MGAT4A: variants seen among roughly 807,000 people sequenced by gnomAD.
MGAT4A encodes alpha-1,3-mannosyl-glycoprotein 4-beta-N-acetylglucosaminyltransferase A.
In MGAT4A, 33 loss-of-function variants were observed where a neutral mutation model predicts 74.1. That is an observed-to-expected ratio of 0.45 (90% confidence interval 0.34 to 0.60). The LOEUF (loss-of-function observed/expected upper bound fraction) is 0.60. MGAT4A is among the 20% of genes least tolerant of loss of function. MGAT4A has a pLI of 0.02. For missense variants in MGAT4A, 479 were observed against 628.3 expected (o/e 0.76, Z 2.54); for synonymous variants, 198 against 210.4 (o/e 0.94, Z 0.51).
chr2:98,713,185 C>T, intron 2 of MGAT4A, among the ~76,000 whole-genome samples: 1 of 54,226 alleles, frequency 1.8e-5, no homozygotes, highest in Admixed American at 2.9e-4. Flanking sequence ...GATCATGTCT[C>T]AAAAAAAAAA....
At chr2:98,666,430 T>C (rs1163549021) in intron 4 of MGAT4A, among the ~76,000 whole-genome samples, 1 of 152,180 alleles carries the variant, frequency 6.6e-6, no homozygotes, top group Non-Finnish European at 1.5e-5. Context: ...TGGTGGCTGA[T>C]GCCTTTAATC....
At chr2:98,641,896 G>A (rs560566235) in intron 10 of MGAT4A, among the ~76,000 whole-genome samples, 5 of 151,378 alleles carry the variant, frequency 3.3e-5, no homozygotes, top group Non-Finnish European at 5.9e-5. Context: ...AGGAGGCTGA[G>A]AGGCAGGAGA....
At chr2:98,680,591 C>T (rs1431500429) in intron 2 of MGAT4A, among the ~76,000 whole-genome samples, 2 of 152,044 alleles carry the variant, frequency 1.3e-5, no homozygotes, top group South Asian at 2.1e-4. Context: ...ACCGTATTTG[C>T]GTTAATTTGC....
intron 8 of MGAT4A, among the ~76,000 whole-genome samples, chr2:98,653,839 C>G (rs1701617905): frequency 6.6e-6 from 1 of 152,170 alleles, no homozygotes; most frequent in African/African-American, 2.4e-5. Context: ...GCCTGCATTT[C>G]TCTGACACCA....
intron 4 of MGAT4A, among the ~76,000 whole-genome samples, chr2:98,667,701 TG>T (rs1258382428): frequency 2.0e-5 from 3 of 149,096 alleles, no homozygotes; most frequent in African/African-American, 7.4e-5. Flanking sequence ...CAGTTTTTGT[TG>T]TTGTTGTTGT....
intron 2 of MGAT4A, among the ~76,000 whole-genome samples, chr2:98,712,013 C>T (rs1251960032): frequency 6.6e-6 from 1 of 152,154 alleles, no homozygotes; most frequent in African/African-American, 2.4e-5. Context: ...TCAGATCTCT[C>T]GTCACCTTTA....
intron 2 of MGAT4A, among the ~76,000 whole-genome samples, chr2:98,720,831 G>A (rs748945977): frequency 7.2e-5 from 11 of 152,172 alleles, no homozygotes; most frequent in African/African-American, 2.7e-4. Flanking sequence ...ACCACCACAT[G>A]TGTAATGGGA....
chr2:98,630,422 T>C (rs55934348), intron 14 of MGAT4A, among the ~76,000 whole-genome samples: 23,276 of 151,864 alleles, frequency 0.15, 1,893 homozygotes, highest in Middle Eastern at 0.22. Context: ...ATAGTAAAAA[T>C]GGAAATGGTA....
rs182193794 is a variant in MGAT4A, at chr2:98,635,248, C to T, written c.1442G>A (p.Arg481Gln). Residue 481 changes from arginine (R) to glutamine (Q), a missense_variant, in exon 14 of 16, where the codon CGA (arginine) becomes CAA (glutamine). Physicochemically the swap from Arg to Gln is conservative, Grantham distance 43 (BLOSUM62 1). Around this residue, in one of 3 missense-constraint regions of MGAT4A, gnomAD observed 236 missense variants for 308.2 expected, o/e 0.77. Coordinates refer to ENST00000393487, the MANE Select transcript of MGAT4A (RefSeq NM_012214.3). ...TATTCTGAAATAGCCATCTTCTAAT[C>T]GTTTGTCTTTGGTTTCTTTGCTTAT... is the stretch of plus-strand genomic sequence containing the variant. ...LEISKETKDK[R>Q]LEDGYFRIGK... 2.3e-5 allele frequency: 37 copies of T among 1,609,450 alleles called. No homozygotes were observed. The African/African-American group carries it at 3.9e-4, about 17-fold the overall frequency.
At chr2:98,631,559 G>A (rs1228183295) in intron 14 of MGAT4A, among the ~76,000 whole-genome samples, 2 of 152,214 alleles carry the variant, frequency 1.3e-5, no homozygotes, top group Admixed American at 6.5e-5. Flanking sequence ...GGAAGCACAC[G>A]GGCGGGCGGA....
intron 2 of MGAT4A, among the ~76,000 whole-genome samples, chr2:98,715,896 T>C (rs1377266651): frequency 5.9e-5 from 9 of 152,210 alleles, no homozygotes; most frequent in Admixed American, 1.3e-4. Context: ...GCTTATTAAT[T>C]ACAATGGCAA....
chr2:98,683,098 C>CA lies in MGAT4A; in HGVS notation c.95-4628dup, dbSNP rs546453514. On this transcript the variant is annotated intron_variant, in intron 2 of 15. Transcript: ENST00000393487. ...GCGAGACTCCGTCTAAAAAAAAAAACAAAAAAAATAAAAAAAATAAATGGC... is the reference window on the plus strand; with the variant it reads ...GCGAGACTCCGTCTAAAAAAAAAAACAAAAAAAAATAAAAAAAATAAATGGC... Among the ~76,000 whole-genome samples the CA allele has an allele frequency of 2.4e-3, 356 of 149,254 alleles. 1 individual carries two copies. The highest frequency in any genetic ancestry group is 7.5e-3 in the African/African-American group (307 of 40,738).
intron 4 of MGAT4A, among the ~76,000 whole-genome samples, chr2:98,667,045 A>G (rs902660417): frequency 2.0e-5 from 3 of 152,142 alleles, no homozygotes; most frequent in Admixed American, 6.5e-5. Context: ...ATAGTGAATA[A>G]GTCTTACAAG....
rs1358651404 is a variant in MGAT4A at position 98,623,093 on chromosome 2, T to G, written c.*2473A>C. The G allele has an allele frequency of 8.1e-6, 8 of 985,296 alleles. No homozygotes were observed. The highest frequency in any genetic ancestry group is 7.2e-6 in the Non-Finnish European group (6 of 829,984). The allele number at this position is 985,296 out of a possible 1,614,324, so 61.0% of individuals were successfully genotyped here. Reference sequence around the variant, plus strand: ...ATTGGTCTCACATCCAGATGCTGACTGGCCACCTGCCACGTGCCTGGCACA... The same window carrying G: ...ATTGGTCTCACATCCAGATGCTGACGGGCCACCTGCCACGTGCCTGGCACA... On this transcript the variant is annotated 3_prime_UTR_variant, in exon 16 of 16. Transcript: ENST00000393487.
intron 4 of MGAT4A, among the ~76,000 whole-genome samples, chr2:98,665,712 A>G (rs934700694): frequency 7.9e-5 from 12 of 152,250 alleles, no homozygotes; most frequent in Non-Finnish European, 1.5e-4. Context: ...GCTGCTATGT[A>G]TAGGTTGGTA....
At chr2:98,706,064 A>G (rs1702427342) in intron 2 of MGAT4A, among the ~76,000 whole-genome samples, 1 of 152,158 alleles carries the variant, frequency 6.6e-6, no homozygotes, top group Admixed American at 6.5e-5. Flanking sequence ...CGCTGAACCG[A>G]TTGATAAAAA....
rs772846914 is a variant in MGAT4A at position 98,717,666 on chromosome 2, CTA to C, written c.94+8571_94+8572del. ...CTATTTTTGTACATTTATTGTAACT[CTA>C]AAAGTATTTCATAATAAAGTTTTTA... On this transcript the variant is annotated intron_variant, in intron 2 of 15. Coordinates refer to ENST00000393487, the MANE Select transcript of MGAT4A (RefSeq NM_012214.3). 3.3e-5 allele frequency among the ~76,000 whole-genome samples: 5 copies of C among 152,116 alleles called. No homozygotes were observed. In the South Asian group the frequency reaches 6.2e-4, roughly 19 times the overall value.
intron 8 of MGAT4A, among the ~76,000 whole-genome samples, chr2:98,652,327 A>ATTT (rs70940120): frequency 4.9e-5 from 6 of 123,394 alleles, no homozygotes; most frequent in Non-Finnish European, 8.2e-5. Context: ...TATCTCAACA[A>ATTT]TTTTTTTTTT....
chr2:98,643,427 G>A (rs529752761), intron 10 of MGAT4A, among the ~76,000 whole-genome samples: 13 of 152,280 alleles, frequency 8.5e-5, no homozygotes, highest in African/African-American at 2.9e-4. Flanking sequence ...TATCCCAAAG[G>A]TAATCATATT....
Sources: allele counts gnomAD v4.1 joint callset (sites outside exome capture counted in the v4.1 genomes callset), GRCh38; gene constraint gnomAD v4.1.1; regional missense constraint gnomAD v4.1.1; transcripts MANE v1.5; gene names NCBI Gene and HGNC (gene_info 2026-07-23, HGNC 2026-07-21).